Variants in USP45 observed in about 807,000 individuals in gnomAD.
USP45 encodes the protein ubiquitin carboxyl-terminal hydrolase 45.
USP45 carries 89 observed loss-of-function variants against 95.8 expected under a neutral mutation model. The ratio of observed to expected loss-of-function variants is 0.93; its 90% CI spans 0.78 to 1.11. The LOEUF (loss-of-function observed/expected upper bound fraction) is 1.11. USP45 is among the 50% of genes least tolerant of loss of function. The pLI is 0.00. For synonymous variants in USP45, 281 were observed against 316.2 expected (o/e 0.89, Z 1.18); for missense variants, 898 against 942.5 (o/e 0.95, Z 0.62).
intron 1 of USP45, among the ~76,000 whole-genome samples, chr6:99,514,015 A>G (rs968931204): frequency 5.3e-5 from 8 of 152,158 alleles, no homozygotes; most frequent in African/African-American, 4.8e-5. Flanking sequence ...ATATCCTCGT[A>G]AAAAAACGGC....
chr6:99,516,073 G>A (rs796388165), upstream of USP45, among the ~76,000 whole-genome samples: 4 of 151,990 alleles, frequency 2.6e-5, no homozygotes, highest in African/African-American at 9.7e-5. Context: ...CACCGCGCCC[G>A]GCTCCGCCCC....
chr6:99,455,990 G>T, intron 13 of USP45, among the ~76,000 whole-genome samples: 1 of 151,442 alleles, frequency 6.6e-6, no homozygotes, highest in East Asian at 1.9e-4. Context: ...AAAATTAACC[G>T]GGCTTGATGG....
intron 14 of USP45, among the ~76,000 whole-genome samples, chr6:99,444,021 A>ATT (rs200530604): frequency 4.7e-5 from 7 of 148,120 alleles, no homozygotes; most frequent in South Asian, 2.1e-4. Flanking sequence ...TAGATTTCTA[A>ATT]TTTTTTTTTT....
At chr6:99,494,207 A>C (rs1795809552) in intron 5 of USP45, among the ~76,000 whole-genome samples, 2 of 152,262 alleles carry the variant, frequency 1.3e-5, no homozygotes, top group South Asian at 4.1e-4. Context: ...AAAAAATAAA[A>C]GCAATTTAAT....
Position 99,507,548 on chromosome 6 carries a change from T to C in USP45, c.274-17A>G, listed in dbSNP as rs1298834533. 1 of 1,509,260 alleles carries C rather than the reference T, an allele frequency of 6.6e-7. No individual in the cohort carries two copies. The highest frequency in any genetic ancestry group is 9.2e-7 in the Non-Finnish European group (1 of 1,089,896). The allele number at this position is 1,509,260 out of a possible 1,614,324, so 93.5% of individuals were successfully genotyped here. On this transcript the variant is annotated splice_polypyrimidine_tract_variant and intron_variant, in intron 3 of 17. Transcript: ENST00000500704. ...ACCACATCCCTGAAGATGAACAGAA[T>C]TTTATTTTGTATGACTTACAAATGT...
At chr6:99,496,449 A>G (rs1286861038) in intron 5 of USP45, among the ~76,000 whole-genome samples, 3 of 152,150 alleles carry the variant, frequency 2.0e-5, no homozygotes, top group Admixed American at 2.0e-4. Context: ...TAAAACCCAC[A>G]TAATTCATGT....
At chr6:99,445,356 G>A (rs905156291) in intron 14 of USP45, among the ~76,000 whole-genome samples, 5 of 151,876 alleles carry the variant, frequency 3.3e-5, no homozygotes, top group Admixed American at 1.3e-4. Flanking sequence ...GGTGGTGGGC[G>A]CCTGTAATCT....
chr6:99,517,410 T>C, upstream of USP45, among the ~76,000 whole-genome samples: 1 of 152,070 alleles, frequency 6.6e-6, no homozygotes, highest in Non-Finnish European at 1.5e-5. Flanking sequence ...ATTCCTCTTA[T>C]ATTTCTATCA....
rs541374637 is a variant in USP45, at chr6:99,435,860, AAG to A, written c.2315-16_2315-15del. 6.9e-6 allele frequency: 11 copies of A among 1,601,188 alleles called. No homozygotes were observed. Among genetic ancestry groups the A allele is most frequent in the South Asian group, 3.4e-5 (3 of 88,502 alleles). ...CCGCTTTCAAACCTAGCAAAACAAA[AAG>A]AAGTACAATTTTAAAGTAAGTATGC... On this transcript the variant is annotated splice_polypyrimidine_tract_variant and intron_variant, in intron 17 of 17. Coordinates refer to ENST00000500704, the MANE Select transcript of USP45 (RefSeq NM_001346022.3).
intron 4 of USP45, among the ~76,000 whole-genome samples, chr6:99,506,911 A>G (rs1234367530): frequency 1.3e-5 from 2 of 152,218 alleles, no homozygotes; most frequent in Non-Finnish European, 2.9e-5. Flanking sequence ...AAAATGATAG[A>G]GAAAAGTAGA....
chr6:99,464,867 AGTG>A, intron 12 of USP45, 120 bp from the exon 13 acceptor site: 1 of 1,213,046 alleles, frequency 8.2e-7, no homozygotes, highest in Non-Finnish European at 1.1e-6. Context: ...CAAAATAAAA[AGTG>A]TTTAAGAGTT....
intron 13 of USP45, chr6:99,461,927 G>A: frequency 1.0e-6 from 1 of 985,184 alleles, no homozygotes; most frequent in Non-Finnish European, 1.2e-6. Flanking sequence ...GAATCATTCT[G>A]GTTCCATGAT....
chr6:99,514,481 T>C (rs550358295), intron 1 of USP45, among the ~76,000 whole-genome samples: 22 of 152,118 alleles, frequency 1.4e-4, no homozygotes, highest in South Asian at 1.0e-3. Context: ...TAAGGCCTGC[T>C]ATGTTAACTC....
At chr6:99,496,473 G>A (rs1796326232) in intron 5 of USP45, among the ~76,000 whole-genome samples, 1 of 151,520 alleles carries the variant, frequency 6.6e-6, no homozygotes, top group South Asian at 2.1e-4. Context: ...TTGTAAACCA[G>A]GAGCATGAGC....
At chr6:99,454,887 G>A (rs1784664619) in intron 13 of USP45, among the ~76,000 whole-genome samples, 1 of 151,912 alleles carries the variant, frequency 6.6e-6, no homozygotes, top group Non-Finnish European at 1.5e-5. Flanking sequence ...AAGAGTTCAA[G>A]ACCATCCTGG....
In USP45 at chr6:99,482,669, T is replaced by G. The variant is rs578139340; in HGVS notation, c.845+84A>C. 33 of 1,345,596 alleles carry G rather than the reference T, an allele frequency of 2.5e-5. No homozygotes were observed. The South Asian group carries it at 5.5e-4, about 23-fold the overall frequency. The allele number at this position is 1,345,596 out of a possible 1,614,324, so 83.4% of individuals were successfully genotyped here. ...CAGGGCAATAAGAGCAAAGTTACAG[T>G]AAAAACGACTATTCATGTTAAATGA... On this transcript the variant is annotated intron_variant, in intron 8 of 17. Coordinates refer to ENST00000500704, the MANE Select transcript of USP45 (RefSeq NM_001346022.3).
At chr6:99,462,826 TAAC>T in intron 13 of USP45, 1 of 336,588 alleles carries the variant, frequency 3.0e-6, no homozygotes, top group Non-Finnish European at 4.3e-6. Flanking sequence ...CTACAAAAAA[TAAC>T]AAAAATTAGC....
chr6:99,490,732 GTTC>G (rs1430655087), intron 5 of USP45, among the ~76,000 whole-genome samples: 2 of 151,990 alleles, frequency 1.3e-5, no homozygotes, highest in Non-Finnish European at 2.9e-5. Flanking sequence ...TCTCTGACAA[GTTC>G]TTAAGAGGAA....
At chr6:99,468,107 C>T (rs1455172788) in intron 10 of USP45, 3 of 455,546 alleles carry the variant, frequency 6.6e-6, no homozygotes, top group Non-Finnish European at 1.3e-5. Flanking sequence ...TACCAGCACT[C>T]TCTTCAATAA....
Sources: gnomAD v4.1 joint callset for allele counts (sites outside exome capture counted in the v4.1 genomes callset) on GRCh38, gnomAD v4.1.1 for gene constraint, MANE v1.5 for transcripts, NCBI Gene and HGNC (gene_info 2026-07-23, HGNC 2026-07-21) for gene names.